Variants in CST7 observed in about 807,000 individuals in gnomAD.
The protein encoded by CST7 is cystatin-F.
In CST7, 15 loss-of-function variants were observed where a neutral mutation model predicts 13.1. That is an observed-to-expected ratio of 1.14 (90% CI 0.77 to 1.76). The LOEUF (loss-of-function observed/expected upper bound fraction) is 1.76, where lower values mean the gene tolerates loss of function less well. Ranked by LOEUF, CST7 falls within the 40% of genes most tolerant of loss-of-function variation. CST7 has a pLI of 0.00. For synonymous variants in CST7, 75 were observed against 66.9 expected (o/e 1.12, Z -0.59); for missense variants, 193 against 178.8 (o/e 1.08, Z -0.45).
chr20:24,955,309 T>C (rs2122451421), intron 1 of CST7, among the ~76,000 whole-genome samples: 1 of 152,290 alleles, frequency 6.6e-6, no homozygotes, highest in Non-Finnish European at 1.5e-5. Context: ...AAGGGACCCC[T>C]CACTGCCAAC....
intron 1 of CST7, among the ~76,000 whole-genome samples, chr20:24,953,386 G>C (rs151054298): frequency 7.9e-5 from 12 of 152,294 alleles, no homozygotes; most frequent in African/African-American, 2.9e-4. Context: ...CTGTATTTTC[G>C]TGATGATCCT....
intron 1 of CST7, among the ~76,000 whole-genome samples, chr20:24,954,198 C>G (rs934322208): frequency 2.6e-5 from 4 of 152,208 alleles, no homozygotes; most frequent in African/African-American, 9.6e-5. Context: ...TCGAATTAGT[C>G]ACACCTGGGT....
At chr20:24,957,025 AGGGG>A (rs1351238625) in intron 1 of CST7, among the ~76,000 whole-genome samples, 2 of 1,856 alleles carry the variant, frequency 1.1e-3, no homozygotes, top group Admixed American at 6.0e-3. Flanking sequence ...GGGGCAGGTG[AGGGG>A]AGCAGGTGAG....
intron 1 of CST7, among the ~76,000 whole-genome samples, chr20:24,950,171 C>A (rs2087810838): frequency 6.6e-6 from 1 of 152,210 alleles, no homozygotes; most frequent in South Asian, 2.1e-4. Flanking sequence ...CTGCTCTCCC[C>A]CAAAGGGAAC....
At chr20:24,958,748 A>G (rs1050354334) in intron 2 of CST7, among the ~76,000 whole-genome samples, 180 bp from the exon 3 acceptor site, 3 of 152,056 alleles carry the variant, frequency 2.0e-5, no homozygotes, top group Non-Finnish European at 4.4e-5. Flanking sequence ...CGGGGCAGGG[A>G]GGGGAGTGGG....
chr20:24,949,670 G>A, intron 1 of CST7, 95 bp downstream of exon 1: 1 of 1,510,630 alleles, frequency 6.6e-7, no homozygotes, highest in South Asian at 1.2e-5. Flanking sequence ...TTCCTAGCTT[G>A]GAGCCCCCAC....
chr20:24,957,208 A>G, intron 1 of CST7, 79 bp from the exon 2 acceptor site: 2 of 1,446,304 alleles, frequency 1.4e-6, no homozygotes, highest in Non-Finnish European at 1.9e-6. Context: ...ACTGAGCATC[A>G]CAGAGGCATG....
At chr20:24,950,295 G>A (rs1012141791) in intron 1 of CST7, among the ~76,000 whole-genome samples, 19 of 152,198 alleles carry the variant, frequency 1.2e-4, no homozygotes, top group Admixed American at 5.2e-4. Context: ...GAGGTGACCC[G>A]CTCAAGTCAT....
chr20:24,952,551 C>T (rs1020792993), intron 1 of CST7, among the ~76,000 whole-genome samples: 1 of 152,202 alleles, frequency 6.6e-6, no homozygotes, highest in African/African-American at 2.4e-5. Context: ...TGAAGCGTCT[C>T]CAGGTGGGCA....
intron 1 of CST7, among the ~76,000 whole-genome samples, chr20:24,952,596 C>T (rs2087827040): frequency 6.6e-6 from 1 of 152,158 alleles, no homozygotes; most frequent in Admixed American, 6.5e-5. Context: ...TGGACTTGCA[C>T]CCCCCCAACA....
At chr20:24,949,839 C>T (rs1364499905) in intron 1 of CST7, among the ~76,000 whole-genome samples, 3 of 152,210 alleles carry the variant, frequency 2.0e-5, no homozygotes, top group Non-Finnish European at 1.5e-5. Flanking sequence ...TTCTCTGGCT[C>T]TTCACAGAGG....
At chr20:24,955,580 C>A (rs4815350) in intron 1 of CST7, among the ~76,000 whole-genome samples, 1 of 151,756 alleles carries the variant, frequency 6.6e-6, no homozygotes, top group East Asian at 1.9e-4. Flanking sequence ...CTCCCGAGTA[C>A]CTGGGACTAC....
chr20:24,957,015 G>GAGTACAGGT (rs1375797353), intron 1 of CST7, among the ~76,000 whole-genome samples: 15 of 119,044 alleles, frequency 1.3e-4, no homozygotes, highest in Non-Finnish European at 1.3e-4. Flanking sequence ...GCAGGTGAGG[G>GAGTACAGGT]GGGCAGGTGA....
Position 24,957,309 on chromosome 20 carries a change from C to CAA in CST7, c.93_94insAA (p.Ser32AsnfsTer4). The CAA allele has an allele frequency of 6.2e-7, 1 of 1,613,504 alleles. No homozygotes were observed. Among genetic ancestry groups the CAA allele is most frequent in the African/African-American group, 1.3e-5 (1 of 74,928 alleles). On this transcript the variant is annotated frameshift_variant, in exon 2 of 4. Coordinates refer to ENST00000480798, the MANE Select transcript of CST7 (RefSeq NM_003650.4). LOFTEE classifies it high-confidence loss of function. ...CAGATACTTGTTCCCAGGACCTTAA[C>CAA]TCACGTGTGAAGCCAGGATTTCCTA...
Position 24,959,041 on chromosome 20 carries a change from G to A in CST7, c.357G>A (p.Lys119=). 1 of 1,610,954 alleles carries A rather than the reference G, an allele frequency of 6.2e-7. No homozygotes were observed. Among genetic ancestry groups the A allele is most frequent in the Non-Finnish European group, 8.5e-7 (1 of 1,177,218 alleles). ...DCDFQTNHTL[K]QTLSCYSEVW... ...ACTTCCAAACCAACCACACCTTGAA[G>A]CAGGTAAAGCAGCAGGCCCTTCTCT... is the stretch of plus-strand genomic sequence containing the variant. Residue 119 remains lysine, a synonymous_variant, in exon 3 of 4, where the codon AAG becomes AAA. Coordinates refer to ENST00000480798, the MANE Select transcript of CST7 (RefSeq NM_003650.4).
intron 1 of CST7, among the ~76,000 whole-genome samples, chr20:24,956,547 G>C (rs1210002007): frequency 6.6e-6 from 1 of 152,156 alleles, no homozygotes; most frequent in Admixed American, 6.5e-5. Flanking sequence ...AGGAAGGGCA[G>C]GCCTCCCCGA....
In CST7 at chr20:24,952,458, G is replaced by C. The variant is rs368784075; in HGVS notation, c.70+2883G>C. ...ACTCCGCCATTAGCCATCAGGCAGAGACCCAAGAGCACAGCGGGCAGGTGT... is the reference window on the plus strand; with the variant it reads ...ACTCCGCCATTAGCCATCAGGCAGACACCCAAGAGCACAGCGGGCAGGTGT... On this transcript the variant is annotated intron_variant, in intron 1 of 3. Transcript: ENST00000480798. 6.0e-4 allele frequency among the ~76,000 whole-genome samples: 91 copies of C among 152,360 alleles called. 1 individual carries two copies. The South Asian group carries it at 0.018, about 30-fold the overall frequency.
chr20:24,951,514 CAA>C (rs1031999049), intron 1 of CST7, among the ~76,000 whole-genome samples: 1 of 152,276 alleles, frequency 6.6e-6, no homozygotes, highest in East Asian at 1.9e-4. Context: ...AGTCTAGCAG[CAA>C]AAAAGAGATG....
In CST7 at chr20:24,959,700, C is replaced by A; in HGVS notation, c.426C>A (p.Leu142=). ...TCCAGCACTTCGAGGTGCCTGTTCT[C>A]CGTTGTCACTGACCCCCGCCTCTTC... ...PWLQHFEVPV[L]RCH The change falls in exon 4 of 4, where the codon CTC becomes CTA. Residue 142 remains leucine (L), a synonymous_variant. Coordinates refer to ENST00000480798, the MANE Select transcript of CST7 (RefSeq NM_003650.4). 6.2e-7 allele frequency: 1 copy of A among 1,614,064 alleles called. No homozygotes were observed. The highest frequency in any genetic ancestry group is 1.3e-5 in the African/African-American group (1 of 75,034).
Sources: gnomAD v4.1 joint callset for allele counts (sites outside exome capture counted in the v4.1 genomes callset) on GRCh38, gnomAD v4.1.1 for gene constraint, MANE v1.5 for transcripts, NCBI Gene and HGNC (gene_info 2026-07-23, HGNC 2026-07-21) for gene names.